ATRNL1: variants seen among roughly 807,000 people sequenced by gnomAD.
The protein encoded by ATRNL1 is attractin like 1.
Under a neutral mutation model 182.7 loss-of-function variants are expected in ATRNL1, and 95 were observed. The ratio of observed to expected loss-of-function variants is 0.52; its 90% CI spans 0.44 to 0.62. The LOEUF is 0.62. Among genes scored for constraint, ATRNL1 ranks in the 20% least tolerant of loss-of-function variants. The probability of loss-of-function intolerance (pLI) is 0.00; values close to 1 mark genes in which losing one functional copy is unlikely to be tolerated. For synonymous variants in ATRNL1, 576 were observed against 568.3 expected (o/e 1.01, Z -0.19); for missense variants, 1,471 against 1,679.5 (o/e 0.88, Z 2.17).
At chr10:115,199,635 CTG>C (rs1848484965) in intron 8 of ATRNL1, among the ~76,000 whole-genome samples, 1 of 152,142 alleles carries the variant, frequency 6.6e-6, no homozygotes, top group South Asian at 2.1e-4. Flanking sequence ...ATCTTGATAT[CTG>C]TGTAGATAAT....
At chr10:115,350,334 C>CAAAAAAA (rs1424122017) in intron 19 of ATRNL1, among the ~76,000 whole-genome samples, 2,724 of 29,430 alleles carry the variant, frequency 0.093, 574 homozygotes, top group Non-Finnish European at 0.11. Context: ...GACTCTGTCT[C>CAAAAAAA]AAAAAAAAAA....
chr10:115,833,561 A>G (rs1950604110), intron 27 of ATRNL1, among the ~76,000 whole-genome samples: 1 of 152,214 alleles, frequency 6.6e-6, no homozygotes, highest in African/African-American at 2.4e-5. Flanking sequence ...AAAATTAAAT[A>G]ATAATCACTG....
intron 5 of ATRNL1, among the ~76,000 whole-genome samples, chr10:115,130,025 TATTGCAGAAGTCAG>T (rs1388972172): frequency 3.3e-5 from 5 of 152,202 alleles, no homozygotes; most frequent in Non-Finnish European, 7.4e-5. Flanking sequence ...TTTAGCTGCC[TATTGCAGAAGTCAG>T]ATACCTAGGA....
At chr10:115,631,607 A>G (rs1359338285) in intron 26 of ATRNL1, among the ~76,000 whole-genome samples, 1 of 152,102 alleles carries the variant, frequency 6.6e-6, no homozygotes, top group Non-Finnish European at 1.5e-5. Flanking sequence ...TAATTATATA[A>G]GCACATAATT....
intron 21 of ATRNL1, among the ~76,000 whole-genome samples, chr10:115,444,456 G>A (rs943288648): frequency 1.3e-5 from 2 of 151,848 alleles, no homozygotes; most frequent in South Asian, 4.1e-4. Flanking sequence ...TAGCTTTTTA[G>A]TTGTTTTATA....
chr10:115,304,745 T>G (rs1853643319), intron 17 of ATRNL1, among the ~76,000 whole-genome samples: 1 of 151,232 alleles, frequency 6.6e-6, no homozygotes, highest in South Asian at 2.1e-4. Flanking sequence ...CACCATGATG[T>G]TCTACACACA....
chr10:115,281,507 G>A lies in ATRNL1; in HGVS notation c.2233+20G>A. The A allele has an allele frequency of 6.2e-7, 1 of 1,610,328 alleles. No homozygotes were observed. Among genetic ancestry groups the A allele is most frequent in the South Asian group, 1.1e-5 (1 of 90,600 alleles). On this transcript the variant is annotated intron_variant, in intron 14 of 28. Coordinates refer to ENST00000355044, the MANE Select transcript of ATRNL1 (RefSeq NM_207303.4). ...TACCAGGTAAAGATTTCAAAATTTA[G>A]TAAATGAGTTTATGGTCTACAGATA...
chr10:115,920,535 AAGAG>A (rs1219463729), intron 28 of ATRNL1, among the ~76,000 whole-genome samples: 1 of 152,232 alleles, frequency 6.6e-6, no homozygotes, highest in African/African-American at 2.4e-5. Context: ...CCCAGAATCT[AAGAG>A]AGGCACAAGA....
intron 24 of ATRNL1, among the ~76,000 whole-genome samples, chr10:115,500,920 CTTTTTTTTTTTTT>C (rs71010023): frequency 1.8e-4 from 10 of 54,466 alleles, no homozygotes; most frequent in African/African-American, 7.2e-4. Flanking sequence ...TCAGGTAAGA[CTTTTTTTTTTTTT>C]TTTTTTTTTT....
intron 28 of ATRNL1, among the ~76,000 whole-genome samples, chr10:115,917,587 G>GT (rs1952909750): frequency 6.6e-6 from 1 of 152,168 alleles, no homozygotes; most frequent in South Asian, 2.1e-4. Context: ...GTGGTTTTTG[G>GT]TTTTTTGTTT....
intron 28 of ATRNL1, among the ~76,000 whole-genome samples, chr10:115,941,272 A>C (rs925380868): frequency 6.6e-6 from 1 of 152,240 alleles, no homozygotes; most frequent in African/African-American, 2.4e-5. Context: ...TAAATTAAGA[A>C]CTGAAATATT....
At chr10:115,108,226 A>C (rs1844104936) in intron 1 of ATRNL1, among the ~76,000 whole-genome samples, 1 of 152,198 alleles carries the variant, frequency 6.6e-6, no homozygotes, top group Non-Finnish European at 1.5e-5. Flanking sequence ...GTAGCCACGC[A>C]GCTCTTTCAA....
At chr10:115,164,211 C>T (rs1432158501) in intron 6 of ATRNL1, among the ~76,000 whole-genome samples, 3 of 152,070 alleles carry the variant, frequency 2.0e-5, no homozygotes, top group African/African-American at 2.4e-5. Context: ...GAAAAAAATA[C>T]GAATTTTCTT....
At chr10:115,748,138 G>A (rs1478341566) in intron 27 of ATRNL1, among the ~76,000 whole-genome samples, 1 of 151,970 alleles carries the variant, frequency 6.6e-6, no homozygotes, top group Admixed American at 6.6e-5. Context: ...GGCCTTGCTA[G>A]TGAAGCCTGT....
chr10:115,577,414 GT>G (rs1421063978), intron 26 of ATRNL1, among the ~76,000 whole-genome samples: 2 of 151,522 alleles, frequency 1.3e-5, no homozygotes, highest in Non-Finnish European at 3.0e-5. Context: ...ATATTTTATA[GT>G]TTTTATTGCT....
intron 9 of ATRNL1, among the ~76,000 whole-genome samples, chr10:115,231,976 C>T (rs570669943): frequency 6.6e-6 from 1 of 152,106 alleles, no homozygotes; most frequent in East Asian, 1.9e-4. Flanking sequence ...ATGTGAGAGA[C>T]CCTTAATGTG....
At chr10:115,245,732 A>T (rs140076598) in intron 10 of ATRNL1, among the ~76,000 whole-genome samples, 22 of 152,092 alleles carry the variant, frequency 1.4e-4, no homozygotes, top group Admixed American at 1.4e-3. Context: ...TTTCATGTTT[A>T]TAATTATTTT....
At chr10:115,310,863 T>A (rs1853982625) in intron 17 of ATRNL1, among the ~76,000 whole-genome samples, 1 of 152,176 alleles carries the variant, frequency 6.6e-6, no homozygotes, top group African/African-American at 2.4e-5. Flanking sequence ...GGCTTTGGAT[T>A]TGGTTTGTTC....
At chr10:115,837,943 G>A (rs1387832885) in intron 27 of ATRNL1, among the ~76,000 whole-genome samples, 1 of 152,140 alleles carries the variant, frequency 6.6e-6, no homozygotes, top group Non-Finnish European at 1.5e-5. Context: ...AATTGCATTT[G>A]CAAGTGATTC....
Sources: allele counts gnomAD v4.1 joint callset (sites outside exome capture counted in the v4.1 genomes callset), GRCh38; gene constraint gnomAD v4.1.1; transcripts MANE v1.5; gene names NCBI Gene and HGNC (gene_info 2026-07-23, HGNC 2026-07-21).